The following KLHDC4 variants were observed in gnomAD, a reference collection of about 807,000 sequenced individuals.
The protein encoded by KLHDC4 is kelch domain containing 4, also known as kelch domain-containing protein 4.
A neutral mutation model predicts 62.4 loss-of-function variants in KLHDC4; 90 were observed. That is an observed-to-expected ratio of 1.44 (90% CI 1.22 to 1.72). KLHDC4 has a LOEUF of 1.72. Among genes scored for constraint, KLHDC4 ranks in the 40% most tolerant of loss-of-function variants. The pLI is 0.00. For synonymous variants in KLHDC4, 386 were observed against 284.4 expected (o/e 1.36, Z -3.59); for missense variants, 1,025 against 699.7 (o/e 1.47, Z -5.25).
At chr16:87,746,161 T>A (rs917401081) in intron 5 of KLHDC4, among the ~76,000 whole-genome samples, 6 of 151,926 alleles carry the variant, frequency 3.9e-5, no homozygotes, top group Non-Finnish European at 8.8e-5. Context: ...TCCTGGCTAC[T>A]AGGGGGGCTG....
intron 5 of KLHDC4, among the ~76,000 whole-genome samples, chr16:87,744,970 CAATCATCT>C (rs1442954751): frequency 1.8e-5 from 2 of 113,376 alleles, no homozygotes; most frequent in Admixed American, 8.6e-5. Context: ...TGCACACATG[CAATCATCT>C]GCACACACGC....
intron 4 of KLHDC4, among the ~76,000 whole-genome samples, chr16:87,751,687 T>C (rs1028190864): frequency 6.6e-5 from 10 of 151,860 alleles, no homozygotes; most frequent in African/African-American, 2.2e-4. Flanking sequence ...GGGAGGCTCA[T>C]GTGGGAGGAT....
chr16:87,715,605 TTTA>T (rs1386253512), intron 7 of KLHDC4, among the ~76,000 whole-genome samples: 1 of 152,094 alleles, frequency 6.6e-6, no homozygotes, highest in Non-Finnish European at 1.5e-5. Context: ...GCTCAGGAGT[TTTA>T]TAGAGTGCCC....
chr16:87,722,027 T>C (rs2038460378), intron 7 of KLHDC4, among the ~76,000 whole-genome samples: 1 of 152,046 alleles, frequency 6.6e-6, no homozygotes. Context: ...ACTCCCCCTC[T>C]CCAGAAGCTC....
intron 6 of KLHDC4, among the ~76,000 whole-genome samples, chr16:87,730,080 A>G (rs577173463): frequency 6.6e-6 from 1 of 152,174 alleles, no homozygotes; most frequent in Non-Finnish European, 1.5e-5. Context: ...CAGCCTCCTG[A>G]GTAGCTGAGA....
Position 87,761,929 on chromosome 16 carries a change from GA to G in KLHDC4, c.191+19del, listed in dbSNP as rs1370496096. On this transcript the variant is annotated intron_variant, in intron 2 of 11. Transcript: ENST00000270583. The stretch of plus-strand genomic sequence containing the variant: ...TAGAAGAAAAGGAAACATACAATAT[GA>G]AAAATGCTACTTGCTCACCTTGGTG... The G allele has an allele frequency of 3.7e-6, 6 of 1,610,566 alleles. No individual in the cohort carries two copies. The South Asian group carries it at 6.6e-5, about 18-fold the overall frequency.
At chr16:87,746,658 G>A (rs1161075226) in intron 5 of KLHDC4, among the ~76,000 whole-genome samples, 3 of 152,182 alleles carry the variant, frequency 2.0e-5, no homozygotes, top group Admixed American at 2.0e-4. Context: ...ATCACCACCA[G>A]AGACAGATGC....
At chr16:87,722,118 C>T (rs946424404) in intron 7 of KLHDC4, among the ~76,000 whole-genome samples, 4 of 152,172 alleles carry the variant, frequency 2.6e-5, no homozygotes, top group Admixed American at 1.3e-4. Flanking sequence ...GTCTTTGACA[C>T]GTGAATGCTG....
chr16:87,725,400 C>T (rs1337315110), intron 7 of KLHDC4, among the ~76,000 whole-genome samples: 8 of 152,110 alleles, frequency 5.3e-5, no homozygotes, highest in African/African-American at 1.9e-4. Context: ...CTCTTGACCT[C>T]GTGAGCCGCC....
chr16:87,737,790 C>A (rs1329925121), intron 5 of KLHDC4, among the ~76,000 whole-genome samples: 2 of 152,034 alleles, frequency 1.3e-5, no homozygotes, highest in Non-Finnish European at 2.9e-5. Context: ...GGCGTTTCAC[C>A]ATGTTGGTCA....
chr16:87,715,045 C>T (rs778796355), intron 7 of KLHDC4, among the ~76,000 whole-genome samples: 11 of 152,212 alleles, frequency 7.2e-5, no homozygotes, highest in African/African-American at 9.7e-5. Context: ...GAAAACAACG[C>T]GCTCCATGTC....
intron 5 of KLHDC4, among the ~76,000 whole-genome samples, chr16:87,747,928 T>C (rs1284627567): frequency 2.6e-5 from 4 of 152,164 alleles, no homozygotes; most frequent in Non-Finnish European, 5.9e-5. Context: ...GCACTTCCGC[T>C]CTGCTGCTTT....
intron 1 of KLHDC4, chr16:87,762,270 C>G: frequency 1.3e-6 from 1 of 756,232 alleles, no homozygotes; most frequent in East Asian, 3.4e-5. Flanking sequence ...CAAGTATTAT[C>G]TCCACACCCT....
At chr16:87,729,588 G>A (rs1421694521) in intron 6 of KLHDC4, among the ~76,000 whole-genome samples, 1 of 152,240 alleles carries the variant, frequency 6.6e-6, no homozygotes, top group Non-Finnish European at 1.5e-5. Flanking sequence ...GTAAGCTCAA[G>A]AAGATAACGT....
At chr16:87,705,874 G>C (rs1328204614), downstream of KLHDC4, among the ~76,000 whole-genome samples, 4 of 152,250 alleles carry the variant, frequency 2.6e-5, no homozygotes, top group Admixed American at 2.0e-4. Context: ...GCTTAGCTGA[G>C]AGTGTGAGGA....
At chr16:87,736,381 A>C (rs1468703460) in intron 5 of KLHDC4, among the ~76,000 whole-genome samples, 1 of 152,206 alleles carries the variant, frequency 6.6e-6, no homozygotes, top group Non-Finnish European at 1.5e-5. Flanking sequence ...CAGCAGGACC[A>C]CTGCTGCACC....
At chr16:87,742,420 G>C (rs1416406347) in intron 5 of KLHDC4, among the ~76,000 whole-genome samples, 1 of 152,184 alleles carries the variant, frequency 6.6e-6, no homozygotes, top group Non-Finnish European at 1.5e-5. Context: ...AAGGATCTAA[G>C]AGGTATTTTA....
intron 5 of KLHDC4, among the ~76,000 whole-genome samples, chr16:87,737,640 C>T (rs77595187): frequency 0.057 from 8,578 of 149,304 alleles, 323 homozygotes; most frequent in East Asian, 0.16. Context: ...CAGGCTGGAG[C>T]ACAATGGCAC....
At chr16:87,748,969 G>T (rs756538069) in intron 4 of KLHDC4, among the ~76,000 whole-genome samples, 160 bp from the exon 5 acceptor site, 11 of 147,438 alleles carry the variant, frequency 7.5e-5, no homozygotes, top group Non-Finnish European at 1.2e-4. Flanking sequence ...CTAAGGGGAG[G>T]ATTCCAGACA....
Sources: gnomAD v4.1 joint callset for allele counts (sites outside exome capture counted in the v4.1 genomes callset) on GRCh38, gnomAD v4.1.1 for gene constraint, MANE v1.5 for transcripts, NCBI Gene and HGNC (gene_info 2026-07-23, HGNC 2026-07-21) for gene names.